Variants in OPRM1 observed in about 807,000 individuals in gnomAD.
OPRM1 encodes the protein opioid receptor mu 1, also known as mu-type opioid receptor.
OPRM1 carries 27 observed loss-of-function variants against 31.8 expected under a neutral mutation model. The observed-to-expected ratio is 0.85, with a 90% CI of 0.63 to 1.17. The LOEUF is 1.17. OPRM1 is among the 50% of genes most tolerant of loss of function. OPRM1 has a pLI of 0.00. For missense variants in OPRM1, 536 were observed against 511.1 expected (o/e 1.05, Z -0.47); for synonymous variants, 196 against 189.9 (o/e 1.03, Z -0.26).
At position 154,148,166 on chromosome 6, in the gene OPRM1, C is replaced by A. The variant is rs144976441; in HGVS notation, c.1164+56694C>A. 4.6e-3 allele frequency among the ~76,000 whole-genome samples: 699 copies of A among 152,240 alleles called. 5 individuals carry two copies. The highest frequency in any genetic ancestry group is 0.016 in the African/African-American group (664 of 41,498). Reference sequence around the variant, plus strand: ...CACTTCCTTGGCCATACAGTGGGATCCCATGCATAGATCAAACATTCTGTG... The same window carrying A: ...CACTTCCTTGGCCATACAGTGGGATACCATGCATAGATCAAACATTCTGTG... On this transcript the variant is annotated intron_variant, in intron 3 of 3. Transcript: ENST00000337049.
At chr6:154,017,425 C>T (rs1447265528) in intron 1 of OPRM1, among the ~76,000 whole-genome samples, 1 of 152,180 alleles carries the variant, frequency 6.6e-6, no homozygotes, top group Non-Finnish European at 1.5e-5. Flanking sequence ...CTTTTAATGG[C>T]ACTGGGGCAC....
intron 3 of OPRM1, among the ~76,000 whole-genome samples, chr6:154,162,220 G>C (rs935195829): frequency 6.6e-6 from 1 of 152,168 alleles, no homozygotes; most frequent in Admixed American, 6.5e-5. Context: ...TCTCTCCTCT[G>C]ACTCACCAAC....
At chr6:154,166,283 C>A (rs1244922418) in intron 3 of OPRM1, among the ~76,000 whole-genome samples, 1 of 152,100 alleles carries the variant, frequency 6.6e-6, no homozygotes, top group South Asian at 2.1e-4. Context: ...ACAAAGTTGG[C>A]CCCCCAGTGG....
chr6:154,140,336 T>G (rs199948218), intron 3 of OPRM1, among the ~76,000 whole-genome samples: 1 of 145,542 alleles, frequency 6.9e-6, no homozygotes, highest in Non-Finnish European at 1.5e-5. Context: ...TATTTTATTT[T>G]TTTTTTTTTT....
intron 1 of OPRM1, among the ~76,000 whole-genome samples, chr6:154,055,244 C>T (rs566493227): frequency 9.9e-4 from 151 of 152,058 alleles, no homozygotes; most frequent in Non-Finnish European, 1.9e-3. Context: ...AAAAATTATC[C>T]GGGCAACATG....
At chr6:154,114,884 A>T (rs969690370) in intron 3 of OPRM1, among the ~76,000 whole-genome samples, 1 of 151,972 alleles carries the variant, frequency 6.6e-6, no homozygotes, top group Non-Finnish European at 1.5e-5. Flanking sequence ...ATTAAAAAAA[A>T]AAAAACAAAA....
intron 3 of OPRM1, chr6:154,199,970 T>A (rs1342135150): frequency 6.2e-7 from 1 of 1,614,048 alleles, no homozygotes; most frequent in African/African-American, 1.3e-5. Flanking sequence ...CTTCACTGTA[T>A]TTTCCAGGGA....
rs78292223 is a variant in OPRM1, at chr6:154,084,015, G to A, written c.291-5811G>A. 4.0e-4 allele frequency among the ~76,000 whole-genome samples: 60 copies of A among 150,876 alleles called. No individual in the cohort carries two copies. The East Asian group carries it at 9.3e-3, about 23-fold the overall frequency. The stretch of plus-strand genomic sequence containing the variant: ...CCCACTCTGGTGACACACAGGAATG[G>A]AAACGGCCACTTGCCCTCTGGATGG... On this transcript the variant is annotated intron_variant, in intron 1 of 3. Coordinates refer to ENST00000330432, the MANE Select transcript of OPRM1 (RefSeq NM_000914.5).
chr6:154,085,351 G>C (rs1790275858), intron 1 of OPRM1, among the ~76,000 whole-genome samples: 1 of 152,172 alleles, frequency 6.6e-6, no homozygotes, highest in Non-Finnish European at 1.5e-5. Flanking sequence ...ACTCTAATGG[G>C]TCAAACATCG....
intron 3 of OPRM1, chr6:154,091,872 C>T: frequency 1.0e-6 from 1 of 994,678 alleles, no homozygotes; most frequent in Non-Finnish European, 1.2e-6. Flanking sequence ...GCCAGTCTTG[C>T]TCTGGTTCTG....
intron 3 of OPRM1, among the ~76,000 whole-genome samples, chr6:154,114,252 G>A (rs1008213969): frequency 5.3e-5 from 8 of 152,248 alleles, no homozygotes; most frequent in South Asian, 2.1e-4. Flanking sequence ...TTTCTTTACC[G>A]TCTAGGATCA....
Position 154,118,871 on chromosome 6 carries a change from G to T in OPRM1, c.*150G>T. 1 of 1,481,256 alleles carries T rather than the reference G, an allele frequency of 6.8e-7. No homozygotes were observed. The highest frequency in any genetic ancestry group is 2.4e-5 in the Admixed American group (1 of 41,114). The allele number at this position is 1,481,256 out of a possible 1,614,324, so 91.8% of individuals were successfully genotyped here. A position where few individuals can be genotyped will look rare whatever the true frequency, so the allele number is the denominator to read the frequency against. Reference sequence around the variant, plus strand: ...AACCTCTTTCCTCTCTGGCCACTCTGCTCTGCACATTAGAGGGACAGCCAA... The same window carrying T: ...AACCTCTTTCCTCTCTGGCCACTCTTCTCTGCACATTAGAGGGACAGCCAA... On this transcript the variant is annotated 3_prime_UTR_variant, in exon 4 of 4. Coordinates refer to ENST00000330432, the MANE Select transcript of OPRM1 (RefSeq NM_000914.5).
rs545131855 is a variant in OPRM1 at position 154,087,018 on chromosome 6, T to G, written c.291-2808T>G. On this transcript the variant is annotated intron_variant, in intron 1 of 3. Coordinates refer to ENST00000330432, the MANE Select transcript of OPRM1 (RefSeq NM_000914.5). ...TTTGTCTACATTATCCTTTTTATATTTGCCATATTTAAAGTCCAAACTAAA... is the reference window on the plus strand; with the variant it reads ...TTTGTCTACATTATCCTTTTTATATGTGCCATATTTAAAGTCCAAACTAAA... The G allele has an allele frequency of 2.7e-4, 267 of 983,882 alleles. No individual in the cohort carries two copies. The African/African-American group carries it at 4.5e-3, about 17-fold the overall frequency. 60.9% of individuals were successfully genotyped at this position (983,882 alleles called of 1,614,324 possible).
chr6:154,018,593 G>A (rs1279779729), intron 1 of OPRM1, among the ~76,000 whole-genome samples: 1 of 149,444 alleles, frequency 6.7e-6, no homozygotes, highest in Non-Finnish European at 1.5e-5. Context: ...AATAAAAACA[G>A]ATTAAGTCTT....
At chr6:154,140,134 G>A (rs1391349636) in intron 3 of OPRM1, among the ~76,000 whole-genome samples, 1 of 152,086 alleles carries the variant, frequency 6.6e-6, no homozygotes, top group Non-Finnish European at 1.5e-5. Context: ...CATTTATTCA[G>A]TGAATGGGAG....
chr6:154,043,525 A>ATG (rs200416652), intron 1 of OPRM1, among the ~76,000 whole-genome samples: 19 of 139,224 alleles, frequency 1.4e-4, no homozygotes, highest in African/African-American at 4.4e-4. Flanking sequence ...AAGGATATAT[A>ATG]TGTGTGTGTG....
Position 154,121,361 on chromosome 6 carries a change from A to T in OPRM1, c.*2640A>T, listed in dbSNP as rs1473184550. Among the ~76,000 whole-genome samples, 3 of 152,190 alleles carry T rather than the reference A, an allele frequency of 2.0e-5. No individual in the cohort carries two copies. The highest frequency in any genetic ancestry group is 4.8e-5 in the African/African-American group (2 of 41,454). On this transcript the variant is annotated 3_prime_UTR_variant, in exon 4 of 4. Coordinates refer to ENST00000330432, the MANE Select transcript of OPRM1 (RefSeq NM_000914.5). ...CCTTGCCAATCATTAGAAAGGAAAG[A>T]AGAGGAAAGAGACTCGCTGGAGCAC... is the stretch of plus-strand genomic sequence containing the variant.
intron 3 of OPRM1, among the ~76,000 whole-genome samples, chr6:154,227,996 AAT>A (rs1779399432): frequency 6.6e-6 from 1 of 152,088 alleles, no homozygotes; most frequent in Non-Finnish European, 1.5e-5. Context: ...GCAAAAAAAA[AAT>A]GCCTCAAAAA....
At chr6:154,239,371 T>C (rs1038593652) in intron 3 of OPRM1, among the ~76,000 whole-genome samples, 1 of 152,214 alleles carries the variant, frequency 6.6e-6, no homozygotes, top group African/African-American at 2.4e-5. Context: ...TAATACATTA[T>C]AGACAATAAA....
Sources: allele counts gnomAD v4.1 joint callset (sites outside exome capture counted in the v4.1 genomes callset), GRCh38; gene constraint gnomAD v4.1.1; transcripts MANE v1.5; gene names NCBI Gene and HGNC (gene_info 2026-07-23, HGNC 2026-07-21).